SLC4A1AP: variants seen among roughly 807,000 people sequenced by gnomAD.
SLC4A1AP encodes the protein kanadaptin.
In SLC4A1AP, 64 loss-of-function variants were observed where a neutral mutation model predicts 89.7. That is an observed-to-expected ratio of 0.71 (90% CI 0.58 to 0.88). The LOEUF (loss-of-function observed/expected upper bound fraction) is 0.88. SLC4A1AP is among the 40% of genes least tolerant of loss of function. The pLI, the probability that SLC4A1AP is intolerant of heterozygous loss-of-function variation, is 0.00. For synonymous variants in SLC4A1AP, 366 were observed against 353.3 expected (o/e 1.04, Z -0.40); for missense variants, 931 against 965.0 (o/e 0.96, Z 0.47).
At chr2:27,668,414 T>C (rs565679551) in intron 3 of SLC4A1AP, among the ~76,000 whole-genome samples, 1 of 152,216 alleles carries the variant, frequency 6.6e-6, no homozygotes, top group Non-Finnish European at 1.5e-5. Flanking sequence ...CCATCCAAAG[T>C]GCTGGGATTA....
intron 5 of SLC4A1AP, 29 bp from the exon 6 acceptor site, chr2:27,675,503 T>C (rs1470617839): frequency 1.3e-6 from 2 of 1,495,464 alleles, no homozygotes; most frequent in South Asian, 2.6e-5. Flanking sequence ...TTTAAAAACT[T>C]ATTTATTCAT....
At chr2:27,667,592 T>C (rs1038954199) in intron 3 of SLC4A1AP, among the ~76,000 whole-genome samples, 1 of 152,160 alleles carries the variant, frequency 6.6e-6, no homozygotes, top group African/African-American at 2.4e-5. Context: ...AAAAAAATCA[T>C]AAAAATCTTG....
At chr2:27,692,716 T>C (rs1675807495) in intron 12 of SLC4A1AP, 1 of 152,164 alleles carries the variant, frequency 6.6e-6, no homozygotes, top group East Asian at 1.9e-4. Flanking sequence ...TCTTGTTGGG[T>C]TGATCCTTTT....
At chr2:27,677,399 C>T (rs769488412) in intron 7 of SLC4A1AP, 35 bp downstream of exon 7, 1 of 1,400,590 alleles carries the variant, frequency 7.1e-7, no homozygotes, top group East Asian at 2.3e-5. Context: ...TAATATACCA[C>T]ATATAGTGCT....
intron 9 of SLC4A1AP, among the ~76,000 whole-genome samples, chr2:27,683,358 A>G (rs915568484): frequency 2.0e-5 from 3 of 152,224 alleles, no homozygotes; most frequent in African/African-American, 7.2e-5. Context: ...CCACCATAAC[A>G]AAATACTAGG....
At position 27,677,663 on chromosome 2, in the gene SLC4A1AP, A is replaced by T. The variant is rs553905462; in HGVS notation, c.1577-75A>T. On this transcript the variant is annotated intron_variant, in intron 7 of 13. Coordinates refer to ENST00000613058, the Ensembl canonical transcript of SLC4A1AP. The stretch of plus-strand genomic sequence containing the variant: ...GTCCGGTTTTATGTTAGTGACTTTT[A>T]TATGGAAACTTTGGCTGAATTTTAA... The T allele has an allele frequency of 8.3e-4, 1,038 of 1,257,946 alleles. 1 individual carries two copies. The highest frequency in any genetic ancestry group is 1.0e-3 in the Non-Finnish European group (925 of 903,312). The allele number at this position is 1,257,946 out of a possible 1,614,324, so 77.9% of individuals were successfully genotyped here.
chr2:27,674,147 C>A (rs1277479680), intron 5 of SLC4A1AP, among the ~76,000 whole-genome samples: 2 of 152,084 alleles, frequency 1.3e-5, no homozygotes, highest in African/African-American at 4.8e-5. Flanking sequence ...ACTTTAATAA[C>A]CTCATTGTAA....
chr2:27,665,115 C>T lies in SLC4A1AP; in HGVS notation c.841C>T (p.Arg281Ter), dbSNP rs375002256. Residue 281 changes from arginine (R) to a stop codon, truncating the protein, a stop_gained, in exon 2 of 14, where the codon CGA becomes TGA. Transcript: ENST00000613058. LOFTEE classifies it high-confidence loss of function. ...GGTTCATCAGGGACCAGAGGAAGAC[C>T]GAGAGGCAGAATCCGAGTTAACAGT... is the stretch of plus-strand genomic sequence containing the variant. 1.4e-5 allele frequency: 22 copies of T among 1,610,738 alleles called. No homozygotes were observed. The highest frequency in any genetic ancestry group is 1.8e-5 in the Non-Finnish European group (21 of 1,178,558).
intron 5 of SLC4A1AP, among the ~76,000 whole-genome samples, chr2:27,670,912 C>CTTTTCT (rs1298404623): frequency 1.4e-5 from 2 of 138,130 alleles, no homozygotes; most frequent in Non-Finnish European, 3.1e-5. Flanking sequence ...ACCTGTATTT[C>CTTTTCT]TTTTCTTTTC....
At chr2:27,680,721 T>C (rs1675605190) in intron 8 of SLC4A1AP, among the ~76,000 whole-genome samples, 1 of 151,420 alleles carries the variant, frequency 6.6e-6, no homozygotes, top group South Asian at 2.1e-4. Flanking sequence ...AGAGTGAGGT[T>C]GCAAGACCCT....
At chr2:27,677,990 G>A (rs1460984383) in intron 8 of SLC4A1AP, 66 bp downstream of exon 8, 27 of 1,043,758 alleles carry the variant, frequency 2.6e-5, no homozygotes, top group Middle Eastern at 2.2e-4. Context: ...TTCAATTATC[G>A]CTTTATCTTC....
chr2:27,675,409 C>T, intron 5 of SLC4A1AP, 123 bp from the exon 6 acceptor site: 1 of 573,338 alleles, frequency 1.7e-6, no homozygotes, highest in South Asian at 3.1e-5. Flanking sequence ...CGTAGTTTGG[C>T]AGCTTGTAGA....
intron 10 of SLC4A1AP, among the ~76,000 whole-genome samples, chr2:27,685,480 T>C (rs1675690423): frequency 6.6e-6 from 1 of 152,226 alleles, no homozygotes; most frequent in African/African-American, 2.4e-5. Flanking sequence ...TTAAGGGCAG[T>C]TATTTCCAAT....
chr2:27,671,578 G>A (rs1675428208), intron 5 of SLC4A1AP, among the ~76,000 whole-genome samples: 1 of 152,178 alleles, frequency 6.6e-6, no homozygotes, highest in African/African-American at 2.4e-5. Context: ...TTGCTCTGCA[G>A]ATCTGCTACA....
intron 5 of SLC4A1AP, among the ~76,000 whole-genome samples, chr2:27,674,713 A>ATTTTT (rs71401579): frequency 8.5e-6 from 1 of 118,110 alleles, no homozygotes; most frequent in Admixed American, 8.4e-5. Context: ...TTCCTCATTG[A>ATTTTT]TTTTTTTTTT....
intron 5 of SLC4A1AP, 143 bp from the exon 6 acceptor site, chr2:27,675,389 T>C: frequency 2.0e-6 from 1 of 510,678 alleles, no homozygotes; most frequent in Non-Finnish European, 3.5e-6. Flanking sequence ...TTTAGCCCTT[T>C]GTTTTTATAC....
intron 3 of SLC4A1AP, chr2:27,668,515 T>A: frequency 2.1e-6 from 1 of 472,314 alleles, no homozygotes; most frequent in Non-Finnish European, 4.1e-6. Flanking sequence ...AATGGCGCAA[T>A]CTTGGCTCAC....
intron 12 of SLC4A1AP, chr2:27,691,753 C>T (rs1254458382): frequency 6.6e-6 from 1 of 152,068 alleles, no homozygotes; most frequent in Non-Finnish European, 1.5e-5. Flanking sequence ...CCACGCCCAG[C>T]TAATTTTTGT....
At chr2:27,684,467 G>C (rs1208483740) in intron 9 of SLC4A1AP, among the ~76,000 whole-genome samples, 2 of 151,576 alleles carry the variant, frequency 1.3e-5, no homozygotes, top group African/African-American at 4.8e-5. Context: ...ATATGCTTTG[G>C]TTCCTTCCCT....
Sources: gnomAD v4.1 joint callset for allele counts (sites outside exome capture counted in the v4.1 genomes callset) on GRCh38, gnomAD v4.1.1 for gene constraint, MANE v1.5 for transcripts, NCBI Gene and HGNC (gene_info 2026-07-23, HGNC 2026-07-21) for gene names.